RBFOX2: variants seen among roughly 807,000 people sequenced by gnomAD.
The protein encoded by RBFOX2 is RNA binding fox-1 homolog 2, also known as RNA binding protein fox-1 homolog 2.
RBFOX2 carries 10 observed loss-of-function variants against 49.1 expected under a neutral mutation model. The ratio of observed to expected loss-of-function variants is 0.20; its 90% CI spans 0.13 to 0.35. The LOEUF (loss-of-function observed/expected upper bound fraction) is 0.35, where lower values mean the gene tolerates loss of function less well. Among genes scored for constraint, RBFOX2 ranks in the 10% least tolerant of loss-of-function variants. The pLI, the probability that RBFOX2 is intolerant of heterozygous loss-of-function variation, is 1.00. For synonymous variants in RBFOX2, 183 were observed against 187.4 expected, an observed-to-expected ratio of 0.98 and a Z score of 0.19; for missense variants, 323 against 486.9, an observed-to-expected ratio of 0.66 and a Z score of 3.17.
At chr22:35,791,253 C>T (rs539956569) in intron 2 of RBFOX2, among the ~76,000 whole-genome samples, 63 of 151,768 alleles carry the variant, frequency 4.2e-4, no homozygotes, top group Middle Eastern at 6.8e-3. Context: ...GGCGTGGTGG[C>T]GGGTGCTTGT....
At position 35,801,737 on chromosome 22, in the gene RBFOX2, A is replaced by G. The variant is rs553523786; in HGVS notation, c.252+8043T>C. ...CTACTCGGGAGGCTAAGGCAGGAGA[A>G]TCGCTTGAACCTGGGAGGCTGAGGT... On this transcript the variant is annotated intron_variant, in intron 2 of 11. Transcript: ENST00000405409. 2.6e-5 allele frequency among the ~76,000 whole-genome samples: 4 copies of G among 152,274 alleles called. No homozygotes were observed. The South Asian group carries it at 8.3e-4, about 32-fold the overall frequency.
chr22:35,761,797 C>T (rs954801393), intron 6 of RBFOX2, among the ~76,000 whole-genome samples: 2 of 152,076 alleles, frequency 1.3e-5, no homozygotes, highest in Non-Finnish European at 2.9e-5. Flanking sequence ...CCTGGATGAC[C>T]TATCCTTCAT....
intron 1 of RBFOX2, among the ~76,000 whole-genome samples, chr22:35,817,739 G>A (rs1953454483): frequency 6.6e-6 from 1 of 152,034 alleles, no homozygotes; most frequent in Admixed American, 6.6e-5. Context: ...GTCATGTAAG[G>A]GGGCGTTGGA....
intron 8 of RBFOX2, 91 bp downstream of exon 9, chr22:35,761,111 G>GT (rs1464772014): frequency 7.3e-6 from 8 of 1,102,896 alleles, no homozygotes; most frequent in Non-Finnish European, 1.1e-5. Flanking sequence ...TTCCATTTCA[G>GT]TTATGTACTG....
At chr22:35,919,433 T>TGAGGCAGGGGGATAGCTTGAACCTGG (rs1156998122) in intron 1 of RBFOX2, among the ~76,000 whole-genome samples, 2 of 151,626 alleles carry the variant, frequency 1.3e-5, no homozygotes, top group African/African-American at 4.9e-5. Context: ...CTTAGGTGGC[T>TGAGGCAGGGGGATAGCTTGAACCTGG]GAGGCAGGGG....
intron 1 of RBFOX2, among the ~76,000 whole-genome samples, chr22:35,934,428 G>A (rs5756004): frequency 0.077 from 11,734 of 152,098 alleles, 473 homozygotes; most frequent in South Asian, 0.085. Context: ...AACACTGACT[G>A]TATTTCTTCA....
intron 4 of RBFOX2, among the ~76,000 whole-genome samples, chr22:35,769,650 A>G (rs1942094066): frequency 6.6e-6 from 1 of 152,124 alleles, no homozygotes; most frequent in Non-Finnish European, 1.5e-5. Flanking sequence ...CGTTTTTTGA[A>G]TATTCCACTG....
intron 1 of RBFOX2, among the ~76,000 whole-genome samples, chr22:35,896,523 A>G (rs534772850): frequency 8.5e-5 from 13 of 152,314 alleles, no homozygotes; most frequent in Non-Finnish European, 1.8e-4. Context: ...GGTAGGCCCC[A>G]TGCAGGTACT....
At chr22:35,913,616 C>A (rs1166674996) in intron 1 of RBFOX2, among the ~76,000 whole-genome samples, 1 of 150,672 alleles carries the variant, frequency 6.6e-6, no homozygotes, top group African/African-American at 2.4e-5. Flanking sequence ...TTTACTCCTA[C>A]CTGGAATTTC....
chr22:35,797,483 T>C (rs1238866670), intron 2 of RBFOX2, among the ~76,000 whole-genome samples: 1 of 152,194 alleles, frequency 6.6e-6, no homozygotes, highest in African/African-American at 2.4e-5. Flanking sequence ...TATACTAATG[T>C]GGGAAATTAA....
intron 2 of RBFOX2, among the ~76,000 whole-genome samples, chr22:35,783,751 T>C (rs1341371833): frequency 2.0e-5 from 3 of 152,156 alleles, no homozygotes; most frequent in Admixed American, 1.3e-4. Context: ...GAATCACTGA[T>C]TGGCCAATAG....
At chr22:35,762,250 T>C (rs1282758948) in intron 6 of RBFOX2, among the ~76,000 whole-genome samples, 1 of 152,168 alleles carries the variant, frequency 6.6e-6, no homozygotes, top group African/African-American at 2.4e-5. Context: ...CTTCTTTCCC[T>C]TTTTTATATT....
At chr22:35,954,894 G>A (rs546337043) in intron 1 of RBFOX2, among the ~76,000 whole-genome samples, 43 of 152,176 alleles carry the variant, frequency 2.8e-4, no homozygotes, top group Non-Finnish European at 5.4e-4. Flanking sequence ...AAGTGAGAAA[G>A]GCATAAAGAA....
chr22:35,882,474 G>A (rs2046031874), intron 1 of RBFOX2, among the ~76,000 whole-genome samples: 1 of 152,190 alleles, frequency 6.6e-6, no homozygotes, highest in Admixed American at 6.5e-5. Flanking sequence ...TTGCTTTAAA[G>A]GAAAAGAAAT....
At chr22:35,953,681 A>AT (rs545270794) in intron 1 of RBFOX2, among the ~76,000 whole-genome samples, 66 of 152,142 alleles carry the variant, frequency 4.3e-4, no homozygotes, top group Middle Eastern at 3.4e-3. Flanking sequence ...CTCCATTAAC[A>AT]TTTTTTTTAA....
At chr22:35,859,617 T>C (rs993395486) in intron 1 of RBFOX2, among the ~76,000 whole-genome samples, 1 of 152,250 alleles carries the variant, frequency 6.6e-6, no homozygotes, top group African/African-American at 2.4e-5. Flanking sequence ...CTGATATGCA[T>C]TTCTGTTTTG....
chr22:35,946,627 A>T (rs1022157708), intron 1 of RBFOX2, among the ~76,000 whole-genome samples: 1 of 152,246 alleles, frequency 6.6e-6, no homozygotes, highest in African/African-American at 2.4e-5. Flanking sequence ...CCTACAAAGT[A>T]GCACATTTCC....
In RBFOX2 at chr22:35,755,126, G is replaced by C. The variant is rs1425451957; in HGVS notation, c.887+4762C>G. On this transcript the variant is annotated intron_variant, in intron 9 of 11. Coordinates refer to ENST00000405409, the Ensembl canonical transcript of RBFOX2. ...CCTCTTATTGATTTTGGAAAGTAAG[G>C]GTGGAGAAAGTATTTCTAGACAATT... Among the ~76,000 whole-genome samples, 3 of 152,266 alleles carry C rather than the reference G, an allele frequency of 2.0e-5. No homozygotes were observed. In the East Asian group the frequency reaches 5.8e-4, roughly 29 times the overall value.
At chr22:35,794,080 T>C (rs1948304298) in intron 2 of RBFOX2, among the ~76,000 whole-genome samples, 1 of 152,196 alleles carries the variant, frequency 6.6e-6, no homozygotes, top group African/African-American at 2.4e-5. Context: ...TTTAAAACTT[T>C]ATACCTGAGT....
Sources: gnomAD v4.1 joint callset for allele counts (sites outside exome capture counted in the v4.1 genomes callset) on GRCh38, gnomAD v4.1.1 for gene constraint, MANE v1.5 for transcripts, NCBI Gene and HGNC (gene_info 2026-07-23, HGNC 2026-07-21) for gene names.